The following TSC22D2 variants were observed in gnomAD, a reference collection of about 807,000 sequenced individuals.
TSC22D2 encodes the protein TSC22 domain family member 2.
TSC22D2 carries 5 observed loss-of-function variants against 50.1 expected under a neutral mutation model. That is an observed-to-expected ratio of 0.10 (90% CI 0.05 to 0.21). The LOEUF is 0.21. TSC22D2 is among the 10% of genes least tolerant of loss of function. The probability of loss-of-function intolerance (pLI) is 1.00; values close to 1 mark genes in which losing one functional copy is unlikely to be tolerated. For synonymous variants in TSC22D2, 501 were observed against 450.1 expected, an observed-to-expected ratio of 1.11 and a Z score of -1.43; for missense variants, 1,003 against 1,015.5, an observed-to-expected ratio of 0.99 and a Z score of 0.17.
At chr3:150,428,578 G>A (rs1720271629) in intron 1 of TSC22D2, among the ~76,000 whole-genome samples, 1 of 138,888 alleles carries the variant, frequency 7.2e-6, no homozygotes, top group Non-Finnish European at 1.6e-5. Context: ...TTGAAACCTA[G>A]GTTGACTGGG....
rs6440675 is a variant in TSC22D2, at chr3:150,447,225, C to T, written c.1959-9851C>T. ...TGAGAAAGAGGAGGCAAATGTGAGGCCATTAGATGAAAAGAATAAGTAGCA... is the reference window on the plus strand; with the variant it reads ...TGAGAAAGAGGAGGCAAATGTGAGGTCATTAGATGAAAAGAATAAGTAGCA... On this transcript the variant is annotated intron_variant, in intron 1 of 2. Coordinates refer to ENST00000688009, the MANE Select transcript of TSC22D2 (RefSeq NM_001303264.2). Among the ~76,000 whole-genome samples, 1,267 of 152,202 alleles carry T rather than the reference C, an allele frequency of 8.3e-3. 19 individuals carry two copies. The highest frequency in any genetic ancestry group is 0.029 in the African/African-American group (1,220 of 41,516).
At chr3:150,455,011 A>G (rs901760654) in intron 1 of TSC22D2, among the ~76,000 whole-genome samples, 2 of 152,186 alleles carry the variant, frequency 1.3e-5, no homozygotes, top group Admixed American at 6.5e-5. Context: ...CTGCTTGTTA[A>G]TACATAAAAC....
At chr3:150,440,789 G>T (rs1290208774) in intron 1 of TSC22D2, among the ~76,000 whole-genome samples, 1 of 151,750 alleles carries the variant, frequency 6.6e-6, no homozygotes, top group Non-Finnish European at 1.5e-5. Flanking sequence ...TATCCTTTTT[G>T]TTGGTTTAAT....
chr3:150,452,385 C>A (rs374904061), intron 1 of TSC22D2, among the ~76,000 whole-genome samples: 1 of 151,572 alleles, frequency 6.6e-6, no homozygotes, highest in Non-Finnish European at 1.5e-5. Context: ...GAAGAAGTTG[C>A]GGTGAGCTGA....
intron 1 of TSC22D2, among the ~76,000 whole-genome samples, chr3:150,429,746 A>G (rs909722574): frequency 3.9e-5 from 6 of 152,176 alleles, no homozygotes; most frequent in African/African-American, 1.2e-4. Flanking sequence ...TCAGTAAAGT[A>G]TTAGATGCCT....
In TSC22D2 at chr3:150,410,517, G is replaced by C; in HGVS notation, c.1167G>C (p.Gln389His). The change falls in exon 1 of 3, where the codon CAG (glutamine) becomes CAC (histidine). Residue 389 changes from glutamine (Q) to histidine (H), a missense_variant. By Grantham distance (24) the Gln-to-His change is conservative. Coordinates refer to ENST00000688009, the MANE Select transcript of TSC22D2 (RefSeq NM_001303264.2). ...EYLQQHVAGL[Q>H]PPSPAQPSST... ...TGCAGCAGCACGTGGCCGGCCTGCA[G>C]CCGCCAAGCCCCGCGCAGCCCTCGT... The C allele has an allele frequency of 1.9e-6, 3 of 1,586,444 alleles. No homozygotes were observed. Among genetic ancestry groups the C allele is most frequent in the Non-Finnish European group, 2.6e-6 (3 of 1,168,012 alleles).
chr3:150,431,846 T>G (rs1720391349), intron 1 of TSC22D2, among the ~76,000 whole-genome samples: 1 of 152,232 alleles, frequency 6.6e-6, no homozygotes, highest in Non-Finnish European at 1.5e-5. Flanking sequence ...CTTCCCTTTC[T>G]GTACTGTGAT....
intron 1 of TSC22D2, among the ~76,000 whole-genome samples, chr3:150,454,189 A>T (rs966019019): frequency 6.6e-6 from 1 of 152,220 alleles, no homozygotes; most frequent in Non-Finnish European, 1.5e-5. Flanking sequence ...AAGAGATGGC[A>T]CTGGAGCATC....
In TSC22D2 at chr3:150,411,247, A is replaced by C. The variant is rs1258977063; in HGVS notation, c.1897A>C (p.Met633Leu). ...SLANPLQLTP[M>L]NSLATSVFSI... ...GGCAAACCCCCTTCAGTTAACACCT[A>C]TGAACAGTCTGGCCACCTCTGTATT... The change falls in exon 1 of 3, where the codon ATG becomes CTG. Residue 633 changes from methionine (M) to leucine (L), a missense_variant. Met to Leu is a conservative substitution (Grantham distance 15). Around this residue, in one of 6 missense-constraint regions of TSC22D2, gnomAD observed 696 missense variants for 647.8 expected, o/e 1.07. Coordinates refer to ENST00000688009, the MANE Select transcript of TSC22D2 (RefSeq NM_001303264.2). The C allele has an allele frequency of 3.7e-6, 6 of 1,614,210 alleles. No homozygotes were observed. The highest frequency in any genetic ancestry group is 5.1e-6 in the Non-Finnish European group (6 of 1,180,022).
intron 1 of TSC22D2, among the ~76,000 whole-genome samples, chr3:150,435,938 T>C (rs1224248457): frequency 6.6e-6 from 1 of 152,164 alleles, no homozygotes; most frequent in East Asian, 1.9e-4. Context: ...CATTAAATAT[T>C]CATTTTTAGG....
intron 1 of TSC22D2, chr3:150,438,236 C>G (rs1560087754): frequency 9.4e-6 from 4 of 426,286 alleles, no homozygotes; most frequent in South Asian, 1.7e-5. Flanking sequence ...AGGAATGTGA[C>G]ATAATAATGA....
chr3:150,432,160 T>C (rs1720401475), intron 1 of TSC22D2, among the ~76,000 whole-genome samples: 1 of 152,234 alleles, frequency 6.6e-6, no homozygotes, highest in Non-Finnish European at 1.5e-5. Flanking sequence ...ACATCTGTTT[T>C]CGACACATTA....
intron 1 of TSC22D2, among the ~76,000 whole-genome samples, chr3:150,427,823 C>T (rs981072555): frequency 3.3e-5 from 5 of 151,848 alleles, no homozygotes; most frequent in African/African-American, 9.7e-5. Flanking sequence ...TCTTCCTCTC[C>T]TTCCTTCCTT....
chr3:150,435,994 C>T (rs1007187891), intron 1 of TSC22D2, among the ~76,000 whole-genome samples: 42 of 152,152 alleles, frequency 2.8e-4, no homozygotes, highest in African/African-American at 1.7e-4. Context: ...TTAATCTGAA[C>T]GCTGTTCATC....
chr3:150,413,970 G>A (rs1178322822), intron 1 of TSC22D2, among the ~76,000 whole-genome samples: 1 of 152,072 alleles, frequency 6.6e-6, no homozygotes, highest in Admixed American at 6.6e-5. Flanking sequence ...AGATTGAGGT[G>A]GTTTAGGTTG....
chr3:150,463,940 T>A lies in TSC22D2; in HGVS notation c.*5304T>A, dbSNP rs890847916. On this transcript the variant is annotated 3_prime_UTR_variant, in exon 3 of 3. Transcript: ENST00000688009. ...TGATAGACTAGGCAGTTTGGGGAAT[T>A]TTCCCATTGTCTACTGTCATGGGTC... 5.3e-5 allele frequency: 8 copies of A among 152,204 alleles called. No individual in the cohort carries two copies. The highest frequency in any genetic ancestry group is 1.2e-4 in the Non-Finnish European group (8 of 68,038). The allele number at this position is 152,204 out of a possible 1,614,324, so 9.4% of individuals were successfully genotyped here.
chr3:150,437,505 A>G (rs960347241), intron 1 of TSC22D2, among the ~76,000 whole-genome samples: 1 of 152,048 alleles, frequency 6.6e-6, no homozygotes, highest in Non-Finnish European at 1.5e-5. Context: ...CACCCATGCT[A>G]TAAGTCTAGA....
intron 1 of TSC22D2, among the ~76,000 whole-genome samples, chr3:150,414,859 C>G (rs973546291): frequency 1.3e-5 from 2 of 151,304 alleles, no homozygotes; most frequent in African/African-American, 4.9e-5. Context: ...AAATTTCTTA[C>G]TTGAATCTCT....
intron 1 of TSC22D2, among the ~76,000 whole-genome samples, chr3:150,451,204 T>G (rs113531738): frequency 4.3e-4 from 65 of 152,230 alleles, no homozygotes; most frequent in African/African-American, 1.5e-3. Flanking sequence ...GTTAGAGGAG[T>G]CTTTGAGTAA....
Sources: gnomAD v4.1 joint callset for allele counts (sites outside exome capture counted in the v4.1 genomes callset) on GRCh38, gnomAD v4.1.1 for gene constraint, gnomAD v4.1.1 regional missense constraint, MANE v1.5 for transcripts, NCBI Gene and HGNC (gene_info 2026-07-23, HGNC 2026-07-21) for gene names.